Variants in AKAP13 observed in about 807,000 individuals in gnomAD.
The protein encoded by AKAP13 is A-kinase anchoring protein 13, also known as A-kinase anchor protein 13.
A neutral mutation model predicts 264.5 loss-of-function variants in AKAP13; 80 were observed. That is an observed-to-expected ratio of 0.30 (90% CI 0.25 to 0.36). AKAP13 has a LOEUF of 0.36. Among genes scored for constraint, AKAP13 ranks in the 10% least tolerant of loss-of-function variants. The pLI, the probability that AKAP13 is intolerant of heterozygous loss-of-function variation, is 1.00. For missense variants in AKAP13, 3,712 were observed against 3,435.2 expected (o/e 1.08, Z -2.01); for synonymous variants, 1,380 against 1,250.2 (o/e 1.10, Z -2.19).
At chr15:85,602,214 C>G (rs570647664) in intron 8 of AKAP13, among the ~76,000 whole-genome samples, 250 of 152,222 alleles carry the variant, frequency 1.6e-3, no homozygotes, top group African/African-American at 5.9e-3. Flanking sequence ...CTCACTCTGT[C>G]ATCCAGGCTG....
At chr15:85,658,220 T>C (rs907409538) in intron 11 of AKAP13, among the ~76,000 whole-genome samples, 3 of 152,208 alleles carry the variant, frequency 2.0e-5, no homozygotes, top group African/African-American at 4.8e-5. Flanking sequence ...ACCTGAATTT[T>C]AAAGTGTTAA....
chr15:85,393,574 T>C (rs1223515461), intron 1 of AKAP13, among the ~76,000 whole-genome samples: 1 of 152,228 alleles, frequency 6.6e-6, no homozygotes, highest in Admixed American at 6.5e-5. Flanking sequence ...AAAGTAAAGT[T>C]ACTATAAAGG....
At chr15:85,550,106 G>A (rs975717520) in intron 5 of AKAP13, among the ~76,000 whole-genome samples, 10 of 152,056 alleles carry the variant, frequency 6.6e-5, no homozygotes, top group South Asian at 2.1e-4. Context: ...TAGTAGAGAC[G>A]GGGTTTCACC....
intron 1 of AKAP13, among the ~76,000 whole-genome samples, chr15:85,413,677 G>T (rs998387190): frequency 1.3e-5 from 2 of 152,210 alleles, no homozygotes; most frequent in African/African-American, 4.8e-5. Context: ...TGTCATCACG[G>T]TTTCAGCTCC....
intron 2 of AKAP13, among the ~76,000 whole-genome samples, chr15:85,491,716 A>G (rs900046047): frequency 6.6e-6 from 1 of 151,984 alleles, no homozygotes; most frequent in Non-Finnish European, 1.5e-5. Flanking sequence ...AATATGATTT[A>G]ATAGTAGTCC....
intron 2 of AKAP13, among the ~76,000 whole-genome samples, chr15:85,498,199 GAT>G (rs59420326): frequency 0.01 from 1,370 of 133,026 alleles, 32 homozygotes; most frequent in South Asian, 0.02. Context: ...AATGAAGTGA[GAT>G]ATATATATAT....
intron 8 of AKAP13, among the ~76,000 whole-genome samples, chr15:85,616,759 T>C (rs2080952537): frequency 6.6e-6 from 1 of 152,348 alleles, no homozygotes; most frequent in Admixed American, 6.5e-5. Context: ...ATGTTTTTGA[T>C]AAAAACTTGG....
chr15:85,422,951 C>G (rs978650508), intron 1 of AKAP13, among the ~76,000 whole-genome samples: 1 of 152,184 alleles, frequency 6.6e-6, no homozygotes, highest in African/African-American at 2.4e-5. Flanking sequence ...GCAAGTCACA[C>G]ATGTTTTTTG....
At chr15:85,701,792 T>G (rs1004732217) in intron 17 of AKAP13, among the ~76,000 whole-genome samples, 1 of 140,146 alleles carries the variant, frequency 7.1e-6, no homozygotes, top group African/African-American at 2.7e-5. Flanking sequence ...AGGAATAGTT[T>G]AAGTTGGGCT....
At chr15:85,563,402 G>A (rs1033907949) in intron 5 of AKAP13, among the ~76,000 whole-genome samples, 1 of 114,104 alleles carries the variant, frequency 8.8e-6, no homozygotes, top group Non-Finnish European at 1.7e-5. Context: ...CCAACATTTT[G>A]TCAGTCTCTT....
chr15:85,695,476 T>C (rs967234092), intron 17 of AKAP13, among the ~76,000 whole-genome samples: 3 of 152,340 alleles, frequency 2.0e-5, no homozygotes, highest in Non-Finnish European at 1.5e-5. Flanking sequence ...TCACTCACTT[T>C]CTTGCTTGGA....
intron 33 of AKAP13, among the ~76,000 whole-genome samples, chr15:85,739,067 T>C (rs1007516857): frequency 2.0e-5 from 3 of 152,240 alleles, no homozygotes; most frequent in Non-Finnish European, 4.4e-5. Context: ...CTTCATCTTA[T>C]TGTGTACCAT....
chr15:85,472,855 A>T (rs1311130833), intron 1 of AKAP13, among the ~76,000 whole-genome samples: 1 of 152,248 alleles, frequency 6.6e-6, no homozygotes, highest in African/African-American at 2.4e-5. Context: ...AGAAATGCAT[A>T]ATGATAAACT....
In AKAP13 at chr15:85,718,047, C is replaced by T. The variant is rs1597161678; in HGVS notation, c.5889C>T (p.Asp1963=). The stretch of plus-strand genomic sequence containing the variant: ...TGAATGAAGGACAACTACTGGGAGA[C>T]TTTGAGATTGAGTCCAAACAGCTGG... The part of the protein sequence containing the change: ...TDMNEGQLLG[D]FEIESKQLEA... The change falls in exon 22 of 37, where the codon GAC becomes GAT. Residue 1963 remains aspartate, a synonymous_variant. Transcript: ENST00000394518. This position sits in a 1 kb window ranked among gnomAD's most constrained non-coding sequence, Gnocchi z 4.9. The T allele has an allele frequency of 3.1e-6, 5 of 1,614,082 alleles. No individual in the cohort carries two copies. The East Asian group carries it at 6.7e-5, about 22-fold the overall frequency.
chr15:85,596,008 T>G (rs2079810068), intron 8 of AKAP13, among the ~76,000 whole-genome samples: 2 of 152,218 alleles, frequency 1.3e-5, no homozygotes, highest in African/African-American at 4.8e-5. Context: ...CATACAGTGA[T>G]GTAGACATTT....
chr15:85,681,196 C>T (rs2084579857), intron 14 of AKAP13, among the ~76,000 whole-genome samples: 2 of 152,174 alleles, frequency 1.3e-5, no homozygotes, highest in South Asian at 2.1e-4. Flanking sequence ...TCTCAGAGAT[C>T]CTTGAAACCA....
intron 5 of AKAP13, among the ~76,000 whole-genome samples, chr15:85,572,184 C>T (rs969411318): frequency 5.9e-5 from 9 of 152,162 alleles, no homozygotes; most frequent in African/African-American, 1.7e-4. Context: ...CAAACAGTGT[C>T]CTCTAATCTT....
chr15:85,600,281 C>G (rs1406127516), intron 8 of AKAP13, among the ~76,000 whole-genome samples: 1 of 150,260 alleles, frequency 6.7e-6, no homozygotes, highest in Non-Finnish European at 1.5e-5. Context: ...GTGTATCACC[C>G]CAGCATAGAA....
chr15:85,645,778 T>TG (rs1333122231), intron 9 of AKAP13, 40 bp from the exon 10 acceptor site: 24 of 1,539,828 alleles, frequency 1.6e-5, no homozygotes, highest in Non-Finnish European at 2.1e-5. Flanking sequence ...TTTTTTTGTT[T>TG]TTTTTTTTTC....
Sources: allele counts gnomAD v4.1 joint callset (sites outside exome capture counted in the v4.1 genomes callset), GRCh38; gene constraint gnomAD v4.1.1; non-coding constraint Gnocchi (gnomAD v3.1); transcripts MANE v1.5; gene names NCBI Gene and HGNC (gene_info 2026-07-23, HGNC 2026-07-21).